RAB3D: variants seen among roughly 807,000 people sequenced by gnomAD.
The protein encoded by RAB3D is RAB3D, member RAS oncogene family.
In RAB3D, 17 loss-of-function variants were observed where a neutral mutation model predicts 19.3. The observed-to-expected ratio is 0.88, with a 90% confidence interval of 0.60 to 1.32. The LOEUF is 1.32. RAB3D is among the 40% of genes most tolerant of loss of function. The probability of loss-of-function intolerance (pLI) is 0.00; values close to 1 mark genes in which losing one functional copy is unlikely to be tolerated. For synonymous variants in RAB3D, 103 were observed against 119.9 expected, an observed-to-expected ratio of 0.86 and a Z score of 0.92; for missense variants, 223 against 299.1, an observed-to-expected ratio of 0.75 and a Z score of 1.88.
chr19:11,335,322 C>T, intron 4 of RAB3D, 125 bp downstream of exon 4: 1 of 1,374,274 alleles, frequency 7.3e-7, no homozygotes, highest in East Asian at 2.3e-5. Flanking sequence ...ATGTGGCATA[C>T]ACATGGGTAT....
rs1020594322 is a variant in RAB3D at position 11,323,091 on chromosome 19, G to A, written c.*2307C>T. 3 of 149,446 alleles carry A rather than the reference G, an allele frequency of 2.0e-5. No homozygotes were observed. Among genetic ancestry groups the A allele is most frequent in the African/African-American group, 7.4e-5 (3 of 40,316 alleles). The allele number at this position is 149,446 out of a possible 1,614,324, so 9.3% of individuals were successfully genotyped here. A position where few individuals can be genotyped will look rare whatever the true frequency, so the allele number is the denominator to read the frequency against. On this transcript the variant is annotated 3_prime_UTR_variant, in exon 5 of 5. Coordinates refer to ENST00000222120, the MANE Select transcript of RAB3D (RefSeq NM_004283.4). ...CATGCTACTGCACTGCGGCCTGGGC[G>A]ACGAGCGACTCTCTGTCTTAAAAAA...
chr19:11,336,006 T>A (rs1270119892), intron 2 of RAB3D, among the ~76,000 whole-genome samples: 2 of 152,212 alleles, frequency 1.3e-5, no homozygotes, highest in East Asian at 1.9e-4. Flanking sequence ...CCCAGTCTGA[T>A]GAGGGAGAGA....
chr19:11,335,257 A>C (rs571936568), intron 4 of RAB3D, among the ~76,000 whole-genome samples, 190 bp downstream of exon 4: 1 of 152,320 alleles, frequency 6.6e-6, no homozygotes, highest in Admixed American at 6.5e-5. Context: ...CCCAGGGGAT[A>C]GGCAGTGGGG....
At chr19:11,336,827 G>C (rs751184361) in intron 2 of RAB3D, among the ~76,000 whole-genome samples, 1 of 151,716 alleles carries the variant, frequency 6.6e-6, no homozygotes, top group Non-Finnish European at 1.5e-5. Context: ...AAAATTAGCC[G>C]GGTGTGGTGG....
intron 4 of RAB3D, among the ~76,000 whole-genome samples, chr19:11,330,912 A>G (rs1284950176): frequency 6.6e-6 from 1 of 150,580 alleles, no homozygotes; most frequent in Non-Finnish European, 1.5e-5. Context: ...GCTACTTGGG[A>G]GGCTGAGGTG....
At chr19:11,334,633 T>TA (rs1056306284) in intron 4 of RAB3D, among the ~76,000 whole-genome samples, 1 of 146,736 alleles carries the variant, frequency 6.8e-6, no homozygotes, top group Non-Finnish European at 1.5e-5. Context: ...CACGCAAAAT[T>TA]AAAAAAAAAG....
In RAB3D at chr19:11,322,301, G is replaced by T. The variant is rs140308799; in HGVS notation, c.*3097C>A. On this transcript the variant is annotated 3_prime_UTR_variant, in exon 5 of 5. Coordinates refer to ENST00000222120, the MANE Select transcript of RAB3D (RefSeq NM_004283.4). Reference sequence around the variant, plus strand: ...TTTTCTAAATGGAGTAGGAGAGAAAGATGCTAAAATGTGATCTTGGGAGGA... The same window carrying T: ...TTTTCTAAATGGAGTAGGAGAGAAATATGCTAAAATGTGATCTTGGGAGGA... 3 of 151,658 alleles carry T rather than the reference G, an allele frequency of 2.0e-5. No homozygotes were observed. In the East Asian group the frequency reaches 5.8e-4, roughly 29 times the overall value. The allele number at this position is 151,658 out of a possible 1,614,324, so 9.4% of individuals were successfully genotyped here.
chr19:11,339,381 T>TG (rs1568302603), intron 1 of RAB3D, 88 bp downstream of exon 1: 2 of 152,380 alleles, frequency 1.3e-5, no homozygotes, highest in East Asian at 1.9e-4. Context: ...CCCAGCTGGG[T>TG]GGGGGCGAGG....
At chr19:11,326,124 A>G (rs1280482316) in intron 4 of RAB3D, among the ~76,000 whole-genome samples, 1 of 151,960 alleles carries the variant, frequency 6.6e-6, no homozygotes, top group East Asian at 1.9e-4. Flanking sequence ...CGGGAGGCTG[A>G]GGCAGGAGAA....
intron 4 of RAB3D, among the ~76,000 whole-genome samples, chr19:11,331,115 A>T (rs907074189): frequency 6.6e-6 from 1 of 151,458 alleles, no homozygotes; most frequent in Non-Finnish European, 1.5e-5. Context: ...AACATAGTGA[A>T]ACCCCATCTC....
chr19:11,326,610 CT>C (rs899257592), intron 4 of RAB3D, among the ~76,000 whole-genome samples: 1 of 152,096 alleles, frequency 6.6e-6, no homozygotes, highest in Non-Finnish European at 1.5e-5. Flanking sequence ...TTTTCCATTG[CT>C]TTTTTTAAAA....
intron 1 of RAB3D, among the ~76,000 whole-genome samples, chr19:11,339,135 C>G (rs1032829009): frequency 6.6e-6 from 1 of 152,232 alleles, no homozygotes; most frequent in Non-Finnish European, 1.5e-5. Flanking sequence ...CTGGGGCCCC[C>G]ACCTCCCCCA....
intron 4 of RAB3D, among the ~76,000 whole-genome samples, chr19:11,330,602 T>G (rs1369013496): frequency 2.6e-5 from 4 of 152,064 alleles, no homozygotes; most frequent in Middle Eastern, 3.2e-3. Flanking sequence ...CAGGCTGGAG[T>G]GCAGTGGCAC....
At position 11,337,325 on chromosome 19, in the gene RAB3D, C is replaced by A; in HGVS notation, c.75G>T (p.Leu25=). Residue 25 remains leucine, a synonymous_variant, in exon 2 of 5, where the codon CTG becomes CTT. Coordinates refer to ENST00000222120, the MANE Select transcript of RAB3D (RefSeq NM_004283.4). ...ADQNFDYMFK[L]LLIGNSSVGK... ...CCACACTGCTGTTGCCTATCAGTAG[C>A]AGTTTGAACATATAGTCGAAGTTCT... 1 of 1,614,174 alleles carries A rather than the reference C, an allele frequency of 6.2e-7. No homozygotes were observed. Among genetic ancestry groups the A allele is most frequent in the Non-Finnish European group, 8.5e-7 (1 of 1,180,036 alleles).
intron 4 of RAB3D, among the ~76,000 whole-genome samples, chr19:11,330,587 T>C (rs1013173275): frequency 6.6e-6 from 1 of 152,156 alleles, no homozygotes; most frequent in Non-Finnish European, 1.5e-5. Context: ...TCTCGCTCTC[T>C]TGCCCAGGCT....
rs57893701 is a variant in RAB3D at position 11,326,219 on chromosome 19, TA to T, written c.473-635del. Among the ~76,000 whole-genome samples, 1,139 of 141,700 alleles carry T rather than the reference TA, an allele frequency of 8.0e-3. 8 individuals carry two copies. The highest frequency in any genetic ancestry group is 0.022 in the African/African-American group (855 of 39,010). 93.0% of individuals were successfully genotyped at this position (141,700 alleles called of 152,430 possible). A position where few individuals can be genotyped will look rare whatever the true frequency, so the allele number is the denominator to read the frequency against. ...CCTGGGCAACAGAGCGAGATTCTATTAAAAAAAAAAAAATAGAGGGGCATGG... is the reference window on the plus strand; with the variant it reads ...CCTGGGCAACAGAGCGAGATTCTATTAAAAAAAAAAAATAGAGGGGCATGG... On this transcript the variant is annotated intron_variant, in intron 4 of 4. Coordinates refer to ENST00000222120, the MANE Select transcript of RAB3D (RefSeq NM_004283.4).
At chr19:11,326,205 G>C (rs2080811689) in intron 4 of RAB3D, among the ~76,000 whole-genome samples, 1 of 149,948 alleles carries the variant, frequency 6.7e-6, no homozygotes, top group Non-Finnish European at 1.5e-5. Context: ...CTGGGCAACA[G>C]AGCGAGATTC....
In RAB3D at chr19:11,337,445, A is replaced by G. The variant is rs1238653695; in HGVS notation, c.-46T>C. ...ACAGGGAGACCTGAAATCCTCAGGGAGAGGAGACGGGCGTCCTGCAGGGGA... is the reference window on the plus strand; with the variant it reads ...ACAGGGAGACCTGAAATCCTCAGGGGGAGGAGACGGGCGTCCTGCAGGGGA... On this transcript the variant is annotated 5_prime_UTR_variant, in exon 2 of 5. Transcript: ENST00000222120. The G allele has an allele frequency of 3.3e-6, 5 of 1,528,662 alleles. No individual in the cohort carries two copies. The highest frequency in any genetic ancestry group is 2.2e-5 in the South Asian group (2 of 89,326). 94.7% of individuals were successfully genotyped at this position (1,528,662 alleles called of 1,614,324 possible).
At chr19:11,339,148 C>G (rs953212797) in intron 1 of RAB3D, among the ~76,000 whole-genome samples, 2 of 152,230 alleles carry the variant, frequency 1.3e-5, no homozygotes, top group Non-Finnish European at 2.9e-5. Flanking sequence ...CTCCCCCAGC[C>G]TTAGCTCACC....
Sources: gnomAD v4.1 joint callset for allele counts (sites outside exome capture counted in the v4.1 genomes callset) on GRCh38, gnomAD v4.1.1 for gene constraint, MANE v1.5 for transcripts, NCBI Gene and HGNC (gene_info 2026-07-23, HGNC 2026-07-21) for gene names.